MAN1A2: variants seen among roughly 807,000 people sequenced by gnomAD.
The protein encoded by MAN1A2 is mannosyl-oligosaccharide 1,2-alpha-mannosidase IB.
Under a neutral mutation model 75.7 loss-of-function variants are expected in MAN1A2, and 26 were observed. That is an observed-to-expected ratio of 0.34 (90% CI 0.25 to 0.48). The LOEUF (loss-of-function observed/expected upper bound fraction) is 0.48, where lower values mean the gene tolerates loss of function less well. MAN1A2 is among the 20% of genes least tolerant of loss of function. MAN1A2 has a pLI of 0.99. For missense variants in MAN1A2, 562 were observed against 775.5 expected (o/e 0.72, Z 3.27); for synonymous variants, 247 against 264.6 (o/e 0.93, Z 0.65).
intron 1 of MAN1A2, among the ~76,000 whole-genome samples, chr1:117,383,451 A>G (rs1428895398): frequency 1.3e-5 from 2 of 152,182 alleles, no homozygotes; most frequent in African/African-American, 4.8e-5. Context: ...CTTTGGTATC[A>G]AGATAATTAC....
At chr1:117,371,952 C>T (rs916121722) in intron 1 of MAN1A2, among the ~76,000 whole-genome samples, 52 of 152,064 alleles carry the variant, frequency 3.4e-4, no homozygotes, top group African/African-American at 1.1e-3. Flanking sequence ...ACTCAGAGTG[C>T]GAAATAAGTA....
chr1:117,458,716 G>A (rs1649712630), intron 6 of MAN1A2, among the ~76,000 whole-genome samples: 1 of 151,580 alleles, frequency 6.6e-6, no homozygotes, highest in African/African-American at 2.4e-5. Context: ...TAGAAATGGG[G>A]TTTCACCATG....
At chr1:117,430,053 C>A (rs868495866) in intron 5 of MAN1A2, among the ~76,000 whole-genome samples, 1 of 33,014 alleles carries the variant, frequency 3.0e-5, no homozygotes, top group Non-Finnish European at 6.3e-5. Flanking sequence ...ACCTCCCTCC[C>A]GGACGGGGCG....
intron 8 of MAN1A2, among the ~76,000 whole-genome samples, chr1:117,488,005 C>A (rs1232699056): frequency 6.6e-6 from 1 of 151,926 alleles, no homozygotes; most frequent in Non-Finnish European, 1.5e-5. Flanking sequence ...GAAAGCTATT[C>A]AAAATTTAAT....
chr1:117,446,494 T>C (rs1290846898), intron 6 of MAN1A2, among the ~76,000 whole-genome samples: 1 of 152,138 alleles, frequency 6.6e-6, no homozygotes, highest in Non-Finnish European at 1.5e-5. Context: ...TTTTTGTTAT[T>C]ATTCAGTTCA....
At chr1:117,486,313 G>A (rs1650699202) in intron 8 of MAN1A2, among the ~76,000 whole-genome samples, 1 of 151,854 alleles carries the variant, frequency 6.6e-6, no homozygotes, top group Admixed American at 6.6e-5. Context: ...TTGGTGGGTG[G>A]GAATTATGAT....
chr1:117,396,077 T>G (rs555260832), intron 1 of MAN1A2, among the ~76,000 whole-genome samples: 1 of 152,356 alleles, frequency 6.6e-6, no homozygotes, highest in South Asian at 2.1e-4. Context: ...TAGAGTTTTA[T>G]GGGGCTTCAT....
chr1:117,460,668 C>G, intron 7 of MAN1A2, 56 bp downstream of exon 7: 1 of 1,505,000 alleles, frequency 6.6e-7, no homozygotes, highest in South Asian at 1.4e-5. Flanking sequence ...TTAAGATTGG[C>G]CCAAAGATTT....
intron 5 of MAN1A2, among the ~76,000 whole-genome samples, chr1:117,433,166 T>A (rs1042667278): frequency 6.6e-6 from 1 of 151,994 alleles, no homozygotes; most frequent in African/African-American, 2.4e-5. Flanking sequence ...GCGTGATAAT[T>A]CCCAATCCAA....
chr1:117,496,361 T>C (rs1651036474), intron 9 of MAN1A2, among the ~76,000 whole-genome samples: 1 of 152,036 alleles, frequency 6.6e-6, no homozygotes, highest in Admixed American at 6.6e-5. Context: ...ATATAGACTA[T>C]TTCTCTCACC....
intron 8 of MAN1A2, among the ~76,000 whole-genome samples, chr1:117,490,790 A>G (rs1460686189): frequency 2.0e-5 from 3 of 152,144 alleles, no homozygotes; most frequent in Non-Finnish European, 4.4e-5. Context: ...TAAAAATGCT[A>G]TGCCAGTGAA....
chr1:117,425,103 G>A (rs1035277738), intron 5 of MAN1A2, among the ~76,000 whole-genome samples: 1 of 146,518 alleles, frequency 6.8e-6, no homozygotes, highest in African/African-American at 2.5e-5. Context: ...AAAAGGAGGG[G>A]GAAGGGAGGA....
At chr1:117,403,026 A>T (rs1028536371) in intron 2 of MAN1A2, among the ~76,000 whole-genome samples, 1 of 152,318 alleles carries the variant, frequency 6.6e-6, no homozygotes, top group Admixed American at 6.5e-5. Context: ...CTTAAAAGTA[A>T]AGAGAATACC....
At chr1:117,401,229 A>T (rs1461824830) in intron 1 of MAN1A2, among the ~76,000 whole-genome samples, 1 of 150,920 alleles carries the variant, frequency 6.6e-6, no homozygotes. Context: ...ATTCTATGAT[A>T]GTTACATCTT....
chr1:117,508,911 A>G (rs867237247), intron 12 of MAN1A2, among the ~76,000 whole-genome samples: 6 of 151,850 alleles, frequency 4.0e-5, no homozygotes, highest in Middle Eastern at 6.8e-3. Context: ...AAACATCTTT[A>G]AAAATACTCT....
chr1:117,455,414 A>G (rs905290829), intron 6 of MAN1A2, among the ~76,000 whole-genome samples: 1 of 152,130 alleles, frequency 6.6e-6, no homozygotes, highest in Admixed American at 6.6e-5. Context: ...CTTGGTTTGT[A>G]TACCAGTCTT....
chr1:117,417,192 A>G (rs1308009939), intron 4 of MAN1A2, among the ~76,000 whole-genome samples: 1 of 152,160 alleles, frequency 6.6e-6, no homozygotes, highest in East Asian at 1.9e-4. Context: ...TAGTGTAATC[A>G]TCAGCACAGT....
At chr1:117,429,942 C>T (rs1439443769) in intron 5 of MAN1A2, among the ~76,000 whole-genome samples, 3 of 79,672 alleles carry the variant, frequency 3.8e-5, no homozygotes, top group African/African-American at 1.5e-4. Flanking sequence ...CGGGCAGAGG[C>T]GCCCCTCACC....
intron 1 of MAN1A2, among the ~76,000 whole-genome samples, chr1:117,394,399 T>A (rs1653842245): frequency 6.6e-6 from 1 of 152,292 alleles, no homozygotes; most frequent in South Asian, 2.1e-4. Flanking sequence ...TCTCTTTTTA[T>A]GTTGCTGGCT....
Sources: gnomAD v4.1 joint callset for allele counts (sites outside exome capture counted in the v4.1 genomes callset) on GRCh38, gnomAD v4.1.1 for gene constraint, MANE v1.5 for transcripts, NCBI Gene and HGNC (gene_info 2026-07-23, HGNC 2026-07-21) for gene names.